Variants in SOX5 observed in about 807,000 individuals in gnomAD.
The protein encoded by SOX5 is SRY-box transcription factor 5.
Under a neutral mutation model 92.0 loss-of-function variants are expected in SOX5, and 9 were observed. The observed-to-expected ratio is 0.10, with a 90% CI of 0.06 to 0.17. SOX5 has a LOEUF of 0.17. Ranked by LOEUF, SOX5 falls within the 10% of genes least tolerant of loss-of-function variation. The pLI is 1.00. For missense variants in SOX5, 642 were observed against 944.5 expected, an observed-to-expected ratio of 0.68 and a Z score of 4.20; for synonymous variants, 344 against 336.3, an observed-to-expected ratio of 1.02 and a Z score of -0.25.
chr12:23,771,188 A>G (rs1310333838), intron 3 of SOX5, among the ~76,000 whole-genome samples: 1 of 46,506 alleles, frequency 2.2e-5, no homozygotes. Context: ...AAAATGGAGC[A>G]AAAAAAAAAA....
chr12:24,087,018 TAG>T, intron 4 of SOX5, among the ~76,000 whole-genome samples: 1 of 152,216 alleles, frequency 6.6e-6, no homozygotes, highest in Non-Finnish European at 1.5e-5. Context: ...TCACAAAACT[TAG>T]AGTGACCTTT....
At position 24,386,336 on chromosome 12, in the gene SOX5, T is replaced by G. The variant is rs550816264; in HGVS notation, c.-250-17697A>C. Among the ~76,000 whole-genome samples the G allele has an allele frequency of 4.6e-5, 7 of 152,308 alleles. No homozygotes were observed. In the South Asian group the frequency reaches 8.3e-4, roughly 18 times the overall value. On this transcript the variant is annotated intron_variant, in intron 1 of 4. Transcript: ENST00000446891. The stretch of plus-strand genomic sequence containing the variant: ...CATCATCATCATAGCTGTCTTTTAT[T>G]AAACCCTACTAGGTTCTGGGCTTTA...
chr12:23,821,011 G>C (rs961317577), intron 3 of SOX5, among the ~76,000 whole-genome samples: 1 of 152,010 alleles, frequency 6.6e-6, no homozygotes, highest in African/African-American at 2.4e-5. Context: ...AAATTACTTT[G>C]GGCAGTATGG....
At chr12:24,533,187 A>T (rs1007730063) in intron 1 of SOX5, among the ~76,000 whole-genome samples, 1 of 152,142 alleles carries the variant, frequency 6.6e-6, no homozygotes, top group Non-Finnish European at 1.5e-5. Flanking sequence ...AATGAATATG[A>T]TATTCTGTTG....
chr12:23,908,442 C>T (rs2097315960), intron 1 of SOX5, among the ~76,000 whole-genome samples: 1 of 151,880 alleles, frequency 6.6e-6, no homozygotes, highest in South Asian at 2.1e-4. Context: ...TAAATTCTGG[C>T]CAATTTAGGG....
intron 4 of SOX5, among the ~76,000 whole-genome samples, chr12:24,044,376 A>G (rs1956805691): frequency 6.6e-6 from 1 of 152,206 alleles, no homozygotes; most frequent in African/African-American, 2.4e-5. Flanking sequence ...AAGTGCCAAA[A>G]TATTGCTGCC....
chr12:24,083,626 A>T (rs1171797346), intron 4 of SOX5, among the ~76,000 whole-genome samples: 1 of 152,058 alleles, frequency 6.6e-6, no homozygotes, highest in Non-Finnish European at 1.5e-5. Context: ...AGTGTAACTT[A>T]CCACAGTTAT....
intron 4 of SOX5, among the ~76,000 whole-genome samples, chr12:24,007,813 A>G (rs771740114): frequency 0.017 from 1,707 of 102,270 alleles, 29 homozygotes; most frequent in Middle Eastern, 0.048. Context: ...ACACACACAC[A>G]CACACACACA....
At chr12:23,864,304 A>G (rs908299596) in intron 2 of SOX5, among the ~76,000 whole-genome samples, 1 of 152,078 alleles carries the variant, frequency 6.6e-6, no homozygotes, top group Non-Finnish European at 1.5e-5. Context: ...CTGAGACACA[A>G]TATTGAAATT....
chr12:24,216,701 G>A (rs1959185432), intron 3 of SOX5, among the ~76,000 whole-genome samples: 1 of 152,068 alleles, frequency 6.6e-6, no homozygotes, highest in Non-Finnish European at 1.5e-5. Context: ...GAAGGAGGGC[G>A]GATACCTTGA....
chr12:24,114,449 T>C (rs1346536977), intron 4 of SOX5, among the ~76,000 whole-genome samples: 5 of 151,056 alleles, frequency 3.3e-5, no homozygotes, highest in Non-Finnish European at 5.9e-5. Context: ...TGATGGTGTG[T>C]GCCTGTAATC....
chr12:24,133,563 C>T lies in SOX5; in HGVS notation c.-2+79780G>A, dbSNP rs142312777. Among the ~76,000 whole-genome samples, 298 of 152,182 alleles carry T rather than the reference C, an allele frequency of 2.0e-3. 1 individual carries two copies. Among genetic ancestry groups the T allele is most frequent in the African/African-American group, 6.6e-3 (275 of 41,520 alleles). On this transcript the variant is annotated intron_variant, in intron 4 of 4. Transcript: ENST00000446891. Reference sequence around the variant, plus strand: ...ATTCAGAACAGGAACACCTGGTGTGCGGCTCTTCAAAGCACAAAGGGGGGT... The same window carrying T: ...ATTCAGAACAGGAACACCTGGTGTGTGGCTCTTCAAAGCACAAAGGGGGGT...
intron 3 of SOX5, among the ~76,000 whole-genome samples, chr12:23,818,877 C>A (rs530992077): frequency 2.6e-4 from 40 of 152,156 alleles, no homozygotes; most frequent in African/African-American, 9.4e-4. Flanking sequence ...ATCTTCAATA[C>A]CACCATCTGC....
At chr12:23,583,259 CTTTT>C (rs746146035) in intron 9 of SOX5, among the ~76,000 whole-genome samples, 2 of 151,850 alleles carry the variant, frequency 1.3e-5, no homozygotes, top group Non-Finnish European at 2.9e-5. Flanking sequence ...TCTAATCTTA[CTTTT>C]TATTTCCAAA....
chr12:23,594,405 C>T (rs555831910), intron 9 of SOX5, among the ~76,000 whole-genome samples: 1 of 152,196 alleles, frequency 6.6e-6, no homozygotes, highest in Non-Finnish European at 1.5e-5. Flanking sequence ...ACATCACAGG[C>T]AATTAACAAA....
chr12:24,139,809 T>C (rs983575328), intron 4 of SOX5, among the ~76,000 whole-genome samples: 2 of 152,168 alleles, frequency 1.3e-5, no homozygotes, highest in Non-Finnish European at 2.9e-5. Context: ...GTTAAGAAGT[T>C]AGCTCTAAAG....
chr12:23,727,099 G>A (rs1394331059), intron 6 of SOX5, among the ~76,000 whole-genome samples: 1 of 152,068 alleles, frequency 6.6e-6, no homozygotes, highest in African/African-American at 2.4e-5. Context: ...AAGAAAAAAT[G>A]TCCTTCCATT....
At chr12:24,507,156 G>C (rs1395993370) in intron 1 of SOX5, among the ~76,000 whole-genome samples, 1 of 151,890 alleles carries the variant, frequency 6.6e-6, no homozygotes, top group African/African-American at 2.4e-5. Flanking sequence ...TGAAATAATT[G>C]ATTTAGGCAA....
At chr12:23,717,263 T>C (rs2092560037) in intron 6 of SOX5, among the ~76,000 whole-genome samples, 1 of 152,192 alleles carries the variant, frequency 6.6e-6, no homozygotes, top group African/African-American at 2.4e-5. Context: ...TGCATAAATA[T>C]TAACACCATT....
Sources: gnomAD v4.1 joint callset for allele counts (sites outside exome capture counted in the v4.1 genomes callset) on GRCh38, gnomAD v4.1.1 for gene constraint, MANE v1.5 for transcripts, NCBI Gene and HGNC (gene_info 2026-07-23, HGNC 2026-07-21) for gene names.